The following RARB variants were observed in gnomAD, a reference collection of about 807,000 sequenced individuals.
RARB encodes retinoic acid receptor beta.
Under a neutral mutation model 51.9 loss-of-function variants are expected in RARB, and 17 were observed. That is an observed-to-expected ratio of 0.33 (90% CI 0.22 to 0.49). The LOEUF (loss-of-function observed/expected upper bound fraction) is 0.49. Among genes scored for constraint, RARB ranks in the 20% least tolerant of loss-of-function variants. The probability of loss-of-function intolerance (pLI) is 0.99; values close to 1 mark genes in which losing one functional copy is unlikely to be tolerated. For synonymous variants in RARB, 215 were observed against 195.4 expected (o/e 1.10, Z -0.84); for missense variants, 369 against 550.8 (o/e 0.67, Z 3.30).
intron 1 of RARB, among the ~76,000 whole-genome samples, chr3:24,844,475 C>T (rs748848259): frequency 2.0e-5 from 3 of 152,144 alleles, no homozygotes; most frequent in Non-Finnish European, 4.4e-5. Flanking sequence ...TTCAAATTTC[C>T]AAGTTGTTGG....
chr3:25,085,517 G>A (rs1267605756), intron 3 of RARB, among the ~76,000 whole-genome samples: 4 of 151,918 alleles, frequency 2.6e-5, no homozygotes, highest in African/African-American at 9.7e-5. Flanking sequence ...TCCTTCCCAT[G>A]TTTTTCTTAC....
chr3:25,313,550 A>T (rs322701), intron 5 of RARB, among the ~76,000 whole-genome samples: 39,463 of 151,914 alleles, frequency 0.26, 5,351 homozygotes, highest in Admixed American at 0.34. Context: ...GCTCTTTAAT[A>T]TACTGTAGTG....
At chr3:25,322,772 C>T (rs535484310) in intron 5 of RARB, among the ~76,000 whole-genome samples, 12 of 152,176 alleles carry the variant, frequency 7.9e-5, no homozygotes, top group South Asian at 2.1e-4. Context: ...GCTGTGGCCC[C>T]GATCCTCTGA....
intron 5 of RARB, among the ~76,000 whole-genome samples, chr3:25,223,784 C>T (rs1348971425): frequency 1.3e-5 from 2 of 152,160 alleles, no homozygotes; most frequent in Admixed American, 1.3e-4. Flanking sequence ...CAGTTCTCTG[C>T]ACATATTTCA....
At chr3:25,560,706 A>G (rs1454093637) in intron 3 of RARB, among the ~76,000 whole-genome samples, 1 of 151,242 alleles carries the variant, frequency 6.6e-6, no homozygotes, top group Non-Finnish European at 1.5e-5. Flanking sequence ...TCCCTCCCTC[A>G]TTTTTTCCTT....
chr3:25,139,977 T>G (rs1006897684), intron 4 of RARB, among the ~76,000 whole-genome samples: 3 of 152,198 alleles, frequency 2.0e-5, no homozygotes, highest in Non-Finnish European at 4.4e-5. Flanking sequence ...TACTTAATAT[T>G]TTAAGCCTAT....
chr3:25,289,049 A>G lies in RARB; in HGVS notation c.178+114474A>G, dbSNP rs112344229. On this transcript the variant is annotated intron_variant, in intron 5 of 11. Coordinates refer to the RARB transcript ENST00000383772. ...TCCGCCACTGAGGCAACGCTTCATA[A>G]TGTCAAAGGGCATGCAGTTGCCTGG... is the stretch of plus-strand genomic sequence containing the variant. Among the ~76,000 whole-genome samples, 406 of 152,322 alleles carry G rather than the reference A, an allele frequency of 2.7e-3. 4 individuals carry two copies. Among genetic ancestry groups the G allele is most frequent in the African/African-American group, 9.2e-3 (383 of 41,572 alleles).
intron 5 of RARB, among the ~76,000 whole-genome samples, chr3:25,176,428 G>A (rs1281572110): frequency 2.1e-5 from 3 of 140,976 alleles, no homozygotes; most frequent in Admixed American, 7.4e-5. Flanking sequence ...ATGGTATCTC[G>A]CTCTGTCGCC....
At chr3:25,481,174 G>A (rs903730405) in intron 2 of RARB, among the ~76,000 whole-genome samples, 2 of 152,006 alleles carry the variant, frequency 1.3e-5, no homozygotes, top group African/African-American at 4.8e-5. Flanking sequence ...ACAATGATTA[G>A]GCAAGAAATA....
Position 25,596,757 on chromosome 3 carries a change from G to A in RARB, c.*141G>A, listed in dbSNP as rs935060170. ...AAGAAGGACCAAGAAGTTTTCATAT[G>A]TATCAATATATATACTCCTCACTGT... On this transcript the variant is annotated 3_prime_UTR_variant, in exon 8 of 8. Coordinates refer to ENST00000330688, the MANE Select transcript of RARB (RefSeq NM_000965.5). 8.8e-5 allele frequency: 62 copies of A among 700,906 alleles called. No individual in the cohort carries two copies. The highest frequency in any genetic ancestry group is 1.3e-4 in the Non-Finnish European group (55 of 433,498). The allele number at this position is 700,906 out of a possible 1,614,324, so 43.4% of individuals were successfully genotyped here.
intron 5 of RARB, among the ~76,000 whole-genome samples, chr3:25,347,170 TG>T (rs1299473051): frequency 6.6e-6 from 1 of 152,200 alleles, no homozygotes; most frequent in Admixed American, 6.5e-5. Context: ...TCTAAGAAAT[TG>T]AACAATTAGG....
At chr3:24,993,695 C>A (rs1250257757) in intron 2 of RARB, among the ~76,000 whole-genome samples, 1 of 152,140 alleles carries the variant, frequency 6.6e-6, no homozygotes, top group Non-Finnish European at 1.5e-5. Context: ...CTCAAATCCT[C>A]TGTTCTACTT....
At chr3:25,075,869 A>G (rs1289079940) in intron 3 of RARB, among the ~76,000 whole-genome samples, 1 of 152,250 alleles carries the variant, frequency 6.6e-6, no homozygotes, top group Non-Finnish European at 1.5e-5. Context: ...ATGAATCAAC[A>G]AATTGAAGAG....
chr3:24,993,093 A>T (rs1038337342), intron 2 of RARB, among the ~76,000 whole-genome samples: 5 of 152,208 alleles, frequency 3.3e-5, no homozygotes, highest in African/African-American at 1.2e-4. Flanking sequence ...CTCCATGGAT[A>T]TTTCCAGTTA....
intron 5 of RARB, among the ~76,000 whole-genome samples, chr3:25,339,801 TAA>T (rs1705169858): frequency 6.6e-6 from 1 of 152,140 alleles, no homozygotes; most frequent in Admixed American, 6.6e-5. Flanking sequence ...TGGGCTCAAC[TAA>T]TCACATATAC....
At chr3:25,417,527 T>C (rs1707737928) in intron 5 of RARB, among the ~76,000 whole-genome samples, 1 of 152,174 alleles carries the variant, frequency 6.6e-6, no homozygotes, top group Non-Finnish European at 1.5e-5. Flanking sequence ...GTTTTAAAAA[T>C]GGGAGTTTCC....
intron 4 of RARB, among the ~76,000 whole-genome samples, chr3:25,163,058 A>T (rs1161068986): frequency 6.6e-6 from 1 of 152,218 alleles, no homozygotes; most frequent in East Asian, 1.9e-4. Flanking sequence ...AAGCATTTCA[A>T]TGTCTGCATA....
At chr3:25,006,237 CTA>C (rs1219689788) in intron 2 of RARB, among the ~76,000 whole-genome samples, 1 of 152,086 alleles carries the variant, frequency 6.6e-6, no homozygotes, top group Admixed American at 6.6e-5. Context: ...TTGAGTTTGT[CTA>C]TCTCTCTAAA....
intron 5 of RARB, among the ~76,000 whole-genome samples, chr3:25,384,173 A>G (rs1174620736): frequency 1.3e-5 from 2 of 152,180 alleles, no homozygotes; most frequent in Non-Finnish European, 2.9e-5. Flanking sequence ...CTGGGGGTCC[A>G]TGAGCCCCTG....
Sources: allele counts gnomAD v4.1 joint callset (sites outside exome capture counted in the v4.1 genomes callset), GRCh38; gene constraint gnomAD v4.1.1; transcripts MANE v1.5; gene names NCBI Gene and HGNC (gene_info 2026-07-23, HGNC 2026-07-21).